The following HDAC9 variants were observed in gnomAD, a reference collection of about 807,000 sequenced individuals.
HDAC9 encodes the protein histone deacetylase 9.
HDAC9 carries 41 observed loss-of-function variants against 139.4 expected under a neutral mutation model. The observed-to-expected ratio is 0.29, with a 90% confidence interval of 0.23 to 0.38. HDAC9 has a LOEUF of 0.38. Ranked by LOEUF, HDAC9 falls within the 10% of genes least tolerant of loss-of-function variation. HDAC9 has a pLI of 1.00. For missense variants in HDAC9, 1,147 were observed against 1,297.0 expected, an observed-to-expected ratio of 0.88 and a Z score of 1.78; for synonymous variants, 517 against 476.2, an observed-to-expected ratio of 1.09 and a Z score of -1.12.
In HDAC9 at chr7:19,001,424, G is replaced by A. The variant is rs1786742534; in HGVS notation, c.*5362G>A. On this transcript the variant is annotated 3_prime_UTR_variant, in exon 26 of 26. Transcript: ENST00000686413. ...CTGTTTCCTGGGACATTGTGGTCAT[G>A]TCCTTAATCCTTCATTGTGATGCCC... is the stretch of plus-strand genomic sequence containing the variant. 2 of 151,924 alleles carry A rather than the reference G, an allele frequency of 1.3e-5. No homozygotes were observed. Among genetic ancestry groups the A allele is most frequent in the Admixed American group, 1.3e-4 (2 of 15,246 alleles). The allele number at this position is 151,924 out of a possible 1,614,324, so 9.4% of individuals were successfully genotyped here. A position where few individuals can be genotyped will look rare whatever the true frequency, so the allele number is the denominator to read the frequency against.
chr7:18,455,640 A>G (rs1425673539), intron 1 of HDAC9, among the ~76,000 whole-genome samples: 1 of 152,170 alleles, frequency 6.6e-6, no homozygotes, highest in Non-Finnish European at 1.5e-5. Context: ...CACACCCAGA[A>G]GACAGTGCAA....
chr7:18,773,717 TA>T (rs111604688), intron 16 of HDAC9, among the ~76,000 whole-genome samples: 3 of 144,318 alleles, frequency 2.1e-5, no homozygotes, highest in East Asian at 2.6e-4. Flanking sequence ...TGGTACTACC[TA>T]AAAAAAAATA....
intron 12 of HDAC9, among the ~76,000 whole-genome samples, chr7:18,672,893 A>C (rs1467315179): frequency 6.6e-6 from 1 of 151,972 alleles, no homozygotes; most frequent in African/African-American, 2.4e-5. Flanking sequence ...TGCAATTACT[A>C]GTTGATTTTG....
chr7:18,854,356 T>G (rs938465611), intron 21 of HDAC9, among the ~76,000 whole-genome samples: 2 of 152,184 alleles, frequency 1.3e-5, no homozygotes, highest in Non-Finnish European at 2.9e-5. Flanking sequence ...GCTGAAAAAC[T>G]GAATTTTATT....
At chr7:18,122,918 T>C (rs1784443428) in intron 1 of HDAC9, among the ~76,000 whole-genome samples, 1 of 152,214 alleles carries the variant, frequency 6.6e-6, no homozygotes, top group Admixed American at 6.5e-5. Context: ...AGCCTGGATC[T>C]ATCATTACAT....
At chr7:18,204,076 A>G (rs776093982) in intron 2 of HDAC9, among the ~76,000 whole-genome samples, 12 of 152,194 alleles carry the variant, frequency 7.9e-5, no homozygotes, top group Admixed American at 2.0e-4. Context: ...ATGGGCTACT[A>G]TTGGTCAGAG....
intron 2 of HDAC9, among the ~76,000 whole-genome samples, chr7:18,547,958 G>A (rs1488966129): frequency 1.4e-5 from 2 of 146,968 alleles, no homozygotes; most frequent in East Asian, 4.2e-4. Flanking sequence ...TTTGTGGTTT[G>A]GTTCAAGAGG....
chr7:18,487,773 G>T (rs927577555), intron 1 of HDAC9, among the ~76,000 whole-genome samples: 6 of 152,002 alleles, frequency 3.9e-5, no homozygotes, highest in African/African-American at 1.2e-4. Flanking sequence ...TAGCTTTCTA[G>T]AATCCTCTTG....
At chr7:18,680,491 T>A (rs1459453839) in intron 12 of HDAC9, among the ~76,000 whole-genome samples, 1 of 151,990 alleles carries the variant, frequency 6.6e-6, no homozygotes, top group Admixed American at 6.6e-5. Flanking sequence ...TCATCCTCTT[T>A]AATTACCATG....
chr7:18,762,909 A>G (rs1488013289), intron 15 of HDAC9, among the ~76,000 whole-genome samples: 1 of 152,156 alleles, frequency 6.6e-6, no homozygotes, highest in African/African-American at 2.4e-5. Flanking sequence ...AACTTTATAT[A>G]AGCTTTATAT....
intron 1 of HDAC9, among the ~76,000 whole-genome samples, chr7:18,117,767 T>G (rs1242593901): frequency 6.6e-6 from 1 of 152,094 alleles, no homozygotes; most frequent in African/African-American, 2.4e-5. Context: ...TGTGAGAAAA[T>G]AAACATCTGT....
At chr7:18,505,355 T>TC (rs1461114717) in intron 2 of HDAC9, among the ~76,000 whole-genome samples, 4 of 152,236 alleles carry the variant, frequency 2.6e-5, no homozygotes, top group Admixed American at 6.5e-5. Flanking sequence ...TGAATTATAC[T>TC]CACCTTGGCA....
At chr7:18,409,668 C>T (rs557214594) in intron 1 of HDAC9, among the ~76,000 whole-genome samples, 2 of 152,182 alleles carry the variant, frequency 1.3e-5, no homozygotes, top group South Asian at 2.1e-4. Flanking sequence ...TTTCCTTTTT[C>T]GAGTCCATGT....
intron 24 of HDAC9, among the ~76,000 whole-genome samples, chr7:18,959,287 A>C (rs1242425923): frequency 6.6e-6 from 1 of 152,210 alleles, no homozygotes; most frequent in Non-Finnish European, 1.5e-5. Context: ...ATAATGAATG[A>C]TATTGATATT....
rs1233190627 is a variant in HDAC9, at chr7:18,122,319, GAGA to G, written c.-97+35113_-97+35115del. ...TATGAGGGCAGTATTCTTGTAGCGG[GAGA>G]AGAAGATGTAAAGTAATGGAACTGA... On this transcript the variant is annotated intron_variant, in intron 1 of 12. Coordinates refer to the HDAC9 transcript ENST00000417496. Among the ~76,000 whole-genome samples, 3 of 152,176 alleles carry G rather than the reference GAGA, an allele frequency of 2.0e-5. No individual in the cohort carries two copies. The South Asian group carries it at 6.2e-4, about 31-fold the overall frequency.
intron 1 of HDAC9, among the ~76,000 whole-genome samples, chr7:18,112,116 A>T (rs1049378579): frequency 6.6e-6 from 1 of 152,190 alleles, no homozygotes; most frequent in African/African-American, 2.4e-5. Flanking sequence ...TTTTTCTATT[A>T]TCTATGCTCT....
intron 1 of HDAC9, among the ~76,000 whole-genome samples, chr7:18,449,201 A>G (rs1792569974): frequency 6.6e-6 from 1 of 152,174 alleles, no homozygotes; most frequent in African/African-American, 2.4e-5. Context: ...AGCCCTATTT[A>G]TAGTAGCCAA....
intron 1 of HDAC9, among the ~76,000 whole-genome samples, chr7:18,467,815 G>A (rs542690597): frequency 2.7e-4 from 41 of 152,196 alleles, no homozygotes; most frequent in Admixed American, 7.2e-4. Flanking sequence ...TCCTCTTCCT[G>A]TTCCGGTATT....
intron 2 of HDAC9, among the ~76,000 whole-genome samples, chr7:18,195,188 T>G (rs1026427759): frequency 1.3e-5 from 2 of 152,180 alleles, no homozygotes; most frequent in South Asian, 4.1e-4. Flanking sequence ...GACCTCTTTG[T>G]GTATCTGACA....
Sources: gnomAD v4.1 joint callset for allele counts (sites outside exome capture counted in the v4.1 genomes callset) on GRCh38, gnomAD v4.1.1 for gene constraint, MANE v1.5 for transcripts, NCBI Gene and HGNC (gene_info 2026-07-23, HGNC 2026-07-21) for gene names.